MKLN1: variants seen among roughly 807,000 people sequenced by gnomAD.
MKLN1 encodes the protein muskelin 1, also known as muskelin.
MKLN1 carries 18 observed loss-of-function variants against 99.0 expected under a neutral mutation model. The ratio of observed to expected loss-of-function variants is 0.18; its 90% CI spans 0.13 to 0.27. The LOEUF (loss-of-function observed/expected upper bound fraction) is 0.27. MKLN1 is among the 10% of genes least tolerant of loss of function. MKLN1 has a pLI of 1.00. For synonymous variants in MKLN1, 288 were observed against 293.2 expected (o/e 0.98, Z 0.18); for missense variants, 621 against 875.9 (o/e 0.71, Z 3.67).
At chr7:131,193,537 G>T (rs2632196) in intron 2 of MKLN1, among the ~76,000 whole-genome samples, 73,579 of 151,604 alleles carry the variant, frequency 0.49, 18,383 homozygotes, top group South Asian at 0.65. Context: ...GAGCCAAGTT[G>T]TGTTTGTTTG....
intron 1 of MKLN1, among the ~76,000 whole-genome samples, chr7:131,348,469 T>C (rs1799625790): frequency 6.6e-6 from 1 of 151,974 alleles, no homozygotes. Flanking sequence ...ATTGCGGTAA[T>C]ATTTGATGTA....
chr7:131,199,961 G>A (rs1370894676), intron 2 of MKLN1, among the ~76,000 whole-genome samples: 1 of 152,178 alleles, frequency 6.6e-6, no homozygotes, highest in Non-Finnish European at 1.5e-5. Flanking sequence ...GCCTCCCAAA[G>A]TGCTGGAATT....
At chr7:131,439,655 A>G (rs912864406) in intron 10 of MKLN1, among the ~76,000 whole-genome samples, 30 of 152,348 alleles carry the variant, frequency 2.0e-4, no homozygotes, top group South Asian at 1.7e-3. Flanking sequence ...ATTTAACACA[A>G]TGTTCAAATT....
intron 6 of MKLN1, among the ~76,000 whole-genome samples, chr7:131,405,104 A>G (rs1794661267): frequency 1.3e-5 from 2 of 152,106 alleles, no homozygotes; most frequent in Admixed American, 6.5e-5. Flanking sequence ...GGAATTGTCT[A>G]TAATTGTCTA....
chr7:131,428,217 A>G (rs768567158), intron 8 of MKLN1, among the ~76,000 whole-genome samples: 5 of 152,152 alleles, frequency 3.3e-5, no homozygotes, highest in African/African-American at 9.7e-5. Context: ...ATGATACACA[A>G]TGTTATATGT....
intron 3 of MKLN1, among the ~76,000 whole-genome samples, chr7:131,207,479 T>C (rs944056757): frequency 3.4e-4 from 52 of 152,228 alleles, no homozygotes; most frequent in African/African-American, 1.2e-3. Flanking sequence ...ATTACAGGCA[T>C]GAGCCACCGC....
intron 3 of MKLN1, among the ~76,000 whole-genome samples, chr7:131,218,196 C>T (rs77425534): frequency 0.022 from 3,412 of 152,188 alleles, 127 homozygotes; most frequent in East Asian, 0.16. Context: ...TCTCAAATAC[C>T]ATTCTTAGGT....
intron 1 of MKLN1, among the ~76,000 whole-genome samples, chr7:131,136,141 C>T (rs2116243520): frequency 6.6e-6 from 1 of 152,210 alleles, no homozygotes; most frequent in Admixed American, 6.5e-5. Context: ...ACGAGCTGTC[C>T]CTGCAGGGAC....
At chr7:131,373,486 C>T (rs996934636) in intron 1 of MKLN1, among the ~76,000 whole-genome samples, 3 of 151,996 alleles carry the variant, frequency 2.0e-5, no homozygotes, top group Non-Finnish European at 4.4e-5. Flanking sequence ...TGTGTAAAGG[C>T]AGTTCTTTTC....
chr7:131,261,872 T>C (rs977630582), intron 3 of MKLN1, among the ~76,000 whole-genome samples: 5 of 152,168 alleles, frequency 3.3e-5, no homozygotes, highest in Non-Finnish European at 5.9e-5. Context: ...GAGGCCATAG[T>C]ACTAAGCGAA....
At chr7:131,443,729 A>T in intron 11 of MKLN1, 27 bp downstream of exon 11, 1 of 1,484,618 alleles carries the variant, frequency 6.7e-7, no homozygotes, top group Admixed American at 1.7e-5. Context: ...CATTGCGTAA[A>T]TGTTATTTTG....
intron 2 of MKLN1, among the ~76,000 whole-genome samples, chr7:131,377,462 GTGTT>G (rs1793699293): frequency 6.6e-6 from 1 of 151,902 alleles, no homozygotes; most frequent in South Asian, 2.1e-4. Flanking sequence ...GACTTACATT[GTGTT>G]TTTAATCACG....
intron 3 of MKLN1, among the ~76,000 whole-genome samples, chr7:131,279,780 C>G (rs1394494040): frequency 6.6e-6 from 1 of 152,132 alleles, no homozygotes; most frequent in East Asian, 1.9e-4. Context: ...GCATTCCAGC[C>G]TAGGTGACAG....
At chr7:131,169,438 A>G (rs951038461) in intron 2 of MKLN1, among the ~76,000 whole-genome samples, 1 of 152,216 alleles carries the variant, frequency 6.6e-6, no homozygotes, top group African/African-American at 2.4e-5. Flanking sequence ...GAGACCACAA[A>G]ATTAACAGTT....
At chr7:131,443,421 T>G in intron 10 of MKLN1, 60 bp from the exon 11 acceptor site, 1 of 1,293,806 alleles carries the variant, frequency 7.7e-7, no homozygotes, top group Non-Finnish European at 1.1e-6. Context: ...GTTGGTTTTG[T>G]TTTAGCACAT....
intron 1 of MKLN1, among the ~76,000 whole-genome samples, chr7:131,364,282 A>G (rs1187538979): frequency 6.6e-6 from 1 of 152,110 alleles, no homozygotes; most frequent in Non-Finnish European, 1.5e-5. Context: ...GCCTTGAAAA[A>G]TTATCAGCAT....
intron 3 of MKLN1, among the ~76,000 whole-genome samples, chr7:131,204,105 A>T (rs1188121724): frequency 6.6e-6 from 1 of 152,186 alleles, no homozygotes; most frequent in Non-Finnish European, 1.5e-5. Flanking sequence ...CACTCTGTAT[A>T]CAATCTCTTC....
intron 4 of MKLN1, among the ~76,000 whole-genome samples, chr7:131,390,535 C>A (rs913861132): frequency 4.7e-4 from 72 of 152,018 alleles, no homozygotes; most frequent in African/African-American, 1.6e-3. Context: ...AAAAAATTTC[C>A]CCCCAGCTTT....
intron 3 of MKLN1, among the ~76,000 whole-genome samples, chr7:131,254,834 G>A (rs1198382687): frequency 1.3e-5 from 2 of 151,982 alleles, no homozygotes; most frequent in Non-Finnish European, 2.9e-5. Flanking sequence ...TCTGCATAAT[G>A]GGGTTACCAG....
Sources: gnomAD v4.1 joint callset for allele counts (sites outside exome capture counted in the v4.1 genomes callset) on GRCh38, gnomAD v4.1.1 for gene constraint, MANE v1.5 for transcripts, NCBI Gene and HGNC (gene_info 2026-07-23, HGNC 2026-07-21) for gene names.